CTIF: variants seen among roughly 807,000 people sequenced by gnomAD.
CTIF encodes cap binding complex dependent translation initiation factor.
CTIF carries 21 observed loss-of-function variants against 66.0 expected under a neutral mutation model. The observed-to-expected ratio is 0.32, with a 90% CI of 0.23 to 0.46. The LOEUF is 0.46. Ranked by LOEUF, CTIF falls within the 20% of genes least tolerant of loss-of-function variation. The probability of loss-of-function intolerance (pLI) is 1.00; values close to 1 mark genes in which losing one functional copy is unlikely to be tolerated. For synonymous variants in CTIF, 345 were observed against 326.4 expected (o/e 1.06, Z -0.62); for missense variants, 739 against 812.7 (o/e 0.91, Z 1.10).
chr18:48,688,497 T>C (rs752238692), intron 6 of CTIF: 3 of 152,278 alleles, frequency 2.0e-5, no homozygotes, highest in Admixed American at 6.5e-5. Flanking sequence ...ACAGCCAGCA[T>C]TGGATGGAGG....
chr18:48,846,598 AATGG>A (rs747909650), intron 10 of CTIF, among the ~76,000 whole-genome samples: 12 of 141,422 alleles, frequency 8.5e-5, no homozygotes, highest in East Asian at 2.1e-4. Flanking sequence ...TGGGTGGATG[AATGG>A]ATGGATGGAT....
intron 3 of CTIF, among the ~76,000 whole-genome samples, chr18:48,647,967 G>T (rs1329952676): frequency 6.6e-6 from 1 of 152,190 alleles, no homozygotes; most frequent in Non-Finnish European, 1.5e-5. Flanking sequence ...TTGGAATGGG[G>T]GGTGTTGATT....
chr18:48,647,020 T>C (rs1190313162), intron 3 of CTIF, among the ~76,000 whole-genome samples: 1 of 152,060 alleles, frequency 6.6e-6, no homozygotes, highest in African/African-American at 2.4e-5. Flanking sequence ...CAAAAACTTG[T>C]ACTCAACTGT....
intron 9 of CTIF, among the ~76,000 whole-genome samples, chr18:48,811,333 A>G (rs1599090676): frequency 6.6e-6 from 1 of 151,542 alleles, no homozygotes; most frequent in Non-Finnish European, 1.5e-5. Flanking sequence ...CTTCTATACC[A>G]TGGTTTCCTC....
chr18:48,629,224 C>G (rs2090657973), intron 2 of CTIF, among the ~76,000 whole-genome samples: 1 of 152,198 alleles, frequency 6.6e-6, no homozygotes, highest in Non-Finnish European at 1.5e-5. Flanking sequence ...GGCCTGTGGA[C>G]CCCCAAAATC....
rs531383896 is a variant in CTIF, at chr18:48,707,797, C to T, written c.508-3822C>T. On this transcript the variant is annotated intron_variant, in intron 6 of 11. Coordinates refer to ENST00000256413, the MANE Select transcript of CTIF (RefSeq NM_014772.3). ...TTAGGGTATTCACAAGGTTGTGCAA[C>T]GATCACTACTGTCTAATTCTGGAAC... Among the ~76,000 whole-genome samples, 204 of 152,266 alleles carry T rather than the reference C, an allele frequency of 1.3e-3. 1 individual carries two copies. The highest frequency in any genetic ancestry group is 4.8e-3 in the South Asian group (23 of 4,828).
chr18:48,837,531 G>A (rs1428437944), intron 10 of CTIF, among the ~76,000 whole-genome samples: 2 of 152,150 alleles, frequency 1.3e-5, no homozygotes, highest in African/African-American at 4.8e-5. Flanking sequence ...CTGAGCCTGG[G>A]TGAGCCCAGC....
chr18:48,625,213 C>T, intron 2 of CTIF: 1 of 985,128 alleles, frequency 1.0e-6, no homozygotes, highest in Non-Finnish European at 1.2e-6. Context: ...TGGTGGACCA[C>T]CCATGAAAGG....
At position 48,745,342 on chromosome 18, in the gene CTIF, T is replaced by A. The variant is rs2092587463; in HGVS notation, c.585-12577T>A. Among the ~76,000 whole-genome samples, 3 of 152,230 alleles carry A rather than the reference T, an allele frequency of 2.0e-5. No individual in the cohort carries two copies. The South Asian group carries it at 6.2e-4, about 32-fold the overall frequency. Reference sequence around the variant, plus strand: ...CCCTGCCTGGTGATGTTAACTATGATTACCTGGCAAAGGTGGTGACTGCCA... The same window carrying A: ...CCCTGCCTGGTGATGTTAACTATGAATACCTGGCAAAGGTGGTGACTGCCA... On this transcript the variant is annotated intron_variant, in intron 7 of 11. Transcript: ENST00000256413.
intron 7 of CTIF, 49 bp from the exon 8 acceptor site, chr18:48,757,855 GCACAGGGACTCTGAC>G: frequency 3.9e-6 from 6 of 1,548,404 alleles, no homozygotes; most frequent in Non-Finnish European, 5.2e-6. Context: ...TGGCGGCTGG[GCACAGGGACTCTGAC>G]CAGCCCGCCC....
At chr18:48,732,489 A>C (rs1417549892) in intron 7 of CTIF, among the ~76,000 whole-genome samples, 1 of 152,040 alleles carries the variant, frequency 6.6e-6, no homozygotes, top group Non-Finnish European at 1.5e-5. Context: ...TATGCCCACC[A>C]CAGGGCAACC....
chr18:48,752,222 A>G (rs1379670152), intron 7 of CTIF, among the ~76,000 whole-genome samples: 1 of 152,180 alleles, frequency 6.6e-6, no homozygotes, highest in Non-Finnish European at 1.5e-5. Flanking sequence ...GGAGTGGGGG[A>G]GTCTGCAGCT....
chr18:48,563,508 G>A (rs1465585165), intron 1 of CTIF, among the ~76,000 whole-genome samples: 2 of 152,106 alleles, frequency 1.3e-5, no homozygotes, highest in African/African-American at 4.8e-5. Context: ...TTCTTACTCT[G>A]TCACCCAGGC....
At chr18:48,649,694 C>T (rs2091119590) in intron 3 of CTIF, among the ~76,000 whole-genome samples, 1 of 152,188 alleles carries the variant, frequency 6.6e-6, no homozygotes, top group African/African-American at 2.4e-5. Flanking sequence ...GGAAACACCT[C>T]CCAGTAGGGG....
intron 6 of CTIF, among the ~76,000 whole-genome samples, chr18:48,709,886 A>G (rs2092204602): frequency 6.6e-6 from 1 of 152,252 alleles, no homozygotes; most frequent in South Asian, 2.1e-4. Flanking sequence ...GTTGGAGGCA[A>G]GAGAGACGGG....
chr18:48,744,853 C>T (rs1235954180), intron 7 of CTIF, among the ~76,000 whole-genome samples: 1 of 149,282 alleles, frequency 6.7e-6, no homozygotes, highest in Non-Finnish European at 1.5e-5. Context: ...GGTGGAGTCT[C>T]ACGCTGTTGC....
At chr18:48,757,020 C>T (rs796464420) in intron 7 of CTIF, among the ~76,000 whole-genome samples, 14 of 152,220 alleles carry the variant, frequency 9.2e-5, no homozygotes, top group South Asian at 4.2e-4. Flanking sequence ...ATGAAGGTGT[C>T]GGTGGGGTTG....
chr18:48,774,123 G>A (rs546409502), intron 9 of CTIF, among the ~76,000 whole-genome samples: 28 of 152,268 alleles, frequency 1.8e-4, no homozygotes, highest in African/African-American at 5.3e-4. Context: ...CGCTGTTGCA[G>A]GGGCAGCCAT....
intron 1 of CTIF, among the ~76,000 whole-genome samples, chr18:48,605,297 G>A (rs946760510): frequency 4.6e-4 from 70 of 152,156 alleles, no homozygotes; most frequent in African/African-American, 1.4e-3. Context: ...CACTTGACTC[G>A]ATACTTTGTA....
Sources: gnomAD v4.1 joint callset for allele counts (sites outside exome capture counted in the v4.1 genomes callset) on GRCh38, gnomAD v4.1.1 for gene constraint, MANE v1.5 for transcripts, NCBI Gene and HGNC (gene_info 2026-07-23, HGNC 2026-07-21) for gene names.